The following RAD51AP1 variants were observed in gnomAD, a reference collection of about 807,000 sequenced individuals.
The protein encoded by RAD51AP1 is RAD51-associated protein 1.
Under a neutral mutation model 34.3 loss-of-function variants are expected in RAD51AP1, and 14 were observed. That is an observed-to-expected ratio of 0.41 (90% CI 0.27 to 0.64). RAD51AP1 has a LOEUF of 0.64. Ranked by LOEUF, RAD51AP1 falls within the 30% of genes least tolerant of loss-of-function variation. The pLI, the probability that RAD51AP1 is intolerant of heterozygous loss-of-function variation, is 0.33. For missense variants in RAD51AP1, 348 were observed against 386.9 expected, an observed-to-expected ratio of 0.90 and a Z score of 0.84; for synonymous variants, 114 against 129.8, an observed-to-expected ratio of 0.88 and a Z score of 0.83.
rs1259279530 is a variant in RAD51AP1, at chr12:4,543,752, C to T, written c.68-11C>T. 1.9e-6 allele frequency: 3 copies of T among 1,556,308 alleles called. No individual in the cohort carries two copies. The highest frequency in any genetic ancestry group is 2.4e-5 in the South Asian group (2 of 82,448). Reference sequence around the variant, plus strand: ...ATATTTTTCTTTTGGTTTTAATTCACACATGAATAGATGATTTTGTTTCTG... The same window carrying T: ...ATATTTTTCTTTTGGTTTTAATTCATACATGAATAGATGATTTTGTTTCTG... On this transcript the variant is annotated splice_polypyrimidine_tract_variant and intron_variant, in intron 2 of 8. Transcript: ENST00000352618.
intron 2 of RAD51AP1, among the ~76,000 whole-genome samples, chr12:4,542,266 T>G (rs761635669): frequency 3.3e-5 from 5 of 152,186 alleles, no homozygotes; most frequent in Admixed American, 6.5e-5. Flanking sequence ...TTACAGCATA[T>G]TATATAAAAT....
chr12:4,553,268 A>C, intron 7 of RAD51AP1, 121 bp downstream of exon 7: 1 of 892,400 alleles, frequency 1.1e-6, no homozygotes, highest in Non-Finnish European at 1.6e-6. Context: ...TCTTGTTAAA[A>C]TATGTAAAAG....
chr12:4,544,780 AAT>A (rs1188753909), intron 3 of RAD51AP1, among the ~76,000 whole-genome samples: 1 of 152,202 alleles, frequency 6.6e-6, no homozygotes, highest in African/African-American at 2.4e-5. Flanking sequence ...AAAAGATTTC[AAT>A]AGACTTTCTC....
intron 4 of RAD51AP1, 45 bp downstream of exon 4, chr12:4,546,463 C>A: frequency 7.2e-7 from 1 of 1,388,634 alleles, no homozygotes; most frequent in Non-Finnish European, 1.0e-6. Context: ...CTTCTTAATG[C>A]TTTTGTGATT....
At chr12:4,542,253 A>T (rs562033356) in intron 2 of RAD51AP1, among the ~76,000 whole-genome samples, 1 of 152,308 alleles carries the variant, frequency 6.6e-6, no homozygotes, top group African/African-American at 2.4e-5. Flanking sequence ...AGATACAAAG[A>T]TGTTACAGCA....
chr12:4,545,975 G>A (rs1944503335), intron 3 of RAD51AP1: 1 of 1,006,542 alleles, frequency 9.9e-7, no homozygotes, highest in Non-Finnish European at 1.4e-6. Context: ...TTAAGTGGAA[G>A]TGATGTTTGA....
At chr12:4,550,974 C>T (rs2137274448) in intron 6 of RAD51AP1, among the ~76,000 whole-genome samples, 1 of 152,240 alleles carries the variant, frequency 6.6e-6, no homozygotes, top group South Asian at 2.1e-4. Context: ...TAAAGGTCAT[C>T]AATGGAAGGT....
rs1944608526 is a variant in RAD51AP1, at chr12:4,559,827, A to G, written c.*834A>G. On this transcript the variant is annotated 3_prime_UTR_variant, in exon 9 of 9. Transcript: ENST00000352618. ...TATGAGATAGTACAGCTTTTCAGGA[A>G]GCTTAGATCTGAATTTACTTTGAAA... The G allele has an allele frequency of 6.6e-6, 1 of 152,206 alleles. No homozygotes were observed. The highest frequency in any genetic ancestry group is 2.4e-5 in the African/African-American group (1 of 41,458). 9.4% of individuals were successfully genotyped at this position (152,206 alleles called of 1,614,324 possible).
chr12:4,551,136 C>A (rs1944543423), intron 6 of RAD51AP1, among the ~76,000 whole-genome samples: 1 of 151,990 alleles, frequency 6.6e-6, no homozygotes. Context: ...CCTCCTCCCC[C>A]CACCACCAAA....
At chr12:4,542,985 A>G (rs1944479418) in intron 2 of RAD51AP1, among the ~76,000 whole-genome samples, 1 of 152,240 alleles carries the variant, frequency 6.6e-6, no homozygotes, top group African/African-American at 2.4e-5. Context: ...ATCCTCAAAT[A>G]GGAGCTACTT....
At chr12:4,539,481 C>A (rs1445306254) in intron 1 of RAD51AP1, among the ~76,000 whole-genome samples, 1 of 152,112 alleles carries the variant, frequency 6.6e-6, no homozygotes, top group Admixed American at 6.5e-5. Flanking sequence ...CTATAGTTAG[C>A]CATTCATTTA....
At chr12:4,542,693 A>G (rs1391486206) in intron 2 of RAD51AP1, among the ~76,000 whole-genome samples, 3 of 152,140 alleles carry the variant, frequency 2.0e-5, no homozygotes, top group African/African-American at 7.2e-5. Context: ...ATAAGAGACA[A>G]CAAGTATTAG....
intron 1 of RAD51AP1, among the ~76,000 whole-genome samples, chr12:4,539,163 A>G (rs1183881450): frequency 1.3e-5 from 2 of 152,190 alleles, no homozygotes; most frequent in Non-Finnish European, 2.9e-5. Context: ...GCCTCCCTTC[A>G]CAACCGTCGC....
intron 7 of RAD51AP1, among the ~76,000 whole-genome samples, chr12:4,554,040 T>G (rs1357196121): frequency 6.9e-6 from 1 of 145,758 alleles, no homozygotes; most frequent in Non-Finnish European, 1.5e-5. Flanking sequence ...GGTTTTTTAA[T>G]TAGAGTGTTT....
At chr12:4,543,151 C>T (rs1944480939) in intron 2 of RAD51AP1, among the ~76,000 whole-genome samples, 1 of 152,134 alleles carries the variant, frequency 6.6e-6, no homozygotes, top group East Asian at 1.9e-4. Flanking sequence ...ACCTCTGCCT[C>T]CCAGGTTCAA....
At chr12:4,555,044 C>A (rs1048990022) in intron 7 of RAD51AP1, among the ~76,000 whole-genome samples, 1 of 152,120 alleles carries the variant, frequency 6.6e-6, no homozygotes, top group Non-Finnish European at 1.5e-5. Flanking sequence ...CAGTGCTGAT[C>A]TAGAGGATGC....
chr12:4,548,546 G>T, intron 5 of RAD51AP1, 141 bp from the exon 6 acceptor site: 1 of 991,074 alleles, frequency 1.0e-6, no homozygotes, highest in Non-Finnish European at 1.5e-6. Context: ...CCCAGATTGG[G>T]CTAATAGTCT....
At chr12:4,546,462 G>T in intron 4 of RAD51AP1, 44 bp downstream of exon 4, 2 of 1,399,822 alleles carry the variant, frequency 1.4e-6, no homozygotes, top group Non-Finnish European at 2.0e-6. Context: ...CCTTCTTAAT[G>T]CTTTTGTGAT....
chr12:4,545,567 T>A (rs1944499989), intron 3 of RAD51AP1, among the ~76,000 whole-genome samples: 1 of 152,222 alleles, frequency 6.6e-6, no homozygotes, highest in South Asian at 2.1e-4. Context: ...ATGTGAATTA[T>A]ATCTTAAGAA....
Sources: allele counts gnomAD v4.1 joint callset (sites outside exome capture counted in the v4.1 genomes callset), GRCh38; gene constraint gnomAD v4.1.1; transcripts MANE v1.5; gene names NCBI Gene and HGNC (gene_info 2026-07-23, HGNC 2026-07-21).